The following MARCHF1 variants were observed in gnomAD, a reference collection of about 807,000 sequenced individuals.
MARCHF1 encodes E3 ubiquitin-protein ligase MARCHF1.
MARCHF1 carries 40 observed loss-of-function variants against 54.2 expected under a neutral mutation model. The ratio of observed to expected loss-of-function variants is 0.74; its 90% CI spans 0.57 to 0.96. The LOEUF is 0.96. Ranked by LOEUF, MARCHF1 falls within the 40% of genes least tolerant of loss-of-function variation. MARCHF1 has a pLI of 0.00. For synonymous variants in MARCHF1, 236 were observed against 236.3 expected (o/e 1.00, Z 0.01); for missense variants, 586 against 656.5 (o/e 0.89, Z 1.17).
At chr4:163,579,836 C>T (rs1423459668) in intron 8 of MARCHF1, among the ~76,000 whole-genome samples, 1 of 151,988 alleles carries the variant, frequency 6.6e-6, no homozygotes, top group African/African-American at 2.4e-5. Flanking sequence ...AATTGGGTTC[C>T]TATGATAGGG....
intron 4 of MARCHF1, among the ~76,000 whole-genome samples, chr4:163,831,265 A>T (rs1749016982): frequency 6.6e-6 from 1 of 152,086 alleles, no homozygotes; most frequent in Admixed American, 6.6e-5. Context: ...ACCCTCAAAG[A>T]ATTGCCAGGT....
At chr4:164,098,323 T>C (rs1017741505) in intron 2 of MARCHF1, among the ~76,000 whole-genome samples, 3 of 152,190 alleles carry the variant, frequency 2.0e-5, no homozygotes, top group African/African-American at 7.2e-5. Context: ...TAGCTTCTTC[T>C]AAATCTAATG....
chr4:164,055,793 T>C (rs1316428086), intron 2 of MARCHF1, among the ~76,000 whole-genome samples: 3 of 152,176 alleles, frequency 2.0e-5, no homozygotes, highest in African/African-American at 7.2e-5. Flanking sequence ...CCATCCTCTT[T>C]ATTTTATATC....
At chr4:164,156,730 TA>T (rs1336722284) in intron 1 of MARCHF1, among the ~76,000 whole-genome samples, 3 of 152,134 alleles carry the variant, frequency 2.0e-5, no homozygotes, top group Non-Finnish European at 4.4e-5. Context: ...TGCCCGCCCT[TA>T]ATTCTTGTCA....
intron 8 of MARCHF1, among the ~76,000 whole-genome samples, chr4:163,579,338 A>G (rs1038216015): frequency 3.3e-5 from 5 of 152,242 alleles, no homozygotes; most frequent in African/African-American, 1.2e-4. Context: ...TAAAAACAAA[A>G]CAAAGACAAA....
intron 1 of MARCHF1, among the ~76,000 whole-genome samples, chr4:164,319,792 G>T (rs927609115): frequency 2.2e-4 from 33 of 151,974 alleles, no homozygotes; most frequent in African/African-American, 7.7e-4. Flanking sequence ...ACATAGCTGG[G>T]GGCCTTGCTG....
At chr4:163,672,976 A>G (rs1159810106) in intron 5 of MARCHF1, among the ~76,000 whole-genome samples, 1 of 152,026 alleles carries the variant, frequency 6.6e-6, no homozygotes, top group Non-Finnish European at 1.5e-5. Flanking sequence ...CTGCCCCTCC[A>G]CTGCCCTCCT....
intron 1 of MARCHF1, chr4:164,188,679 G>T: frequency 8.9e-7 from 1 of 1,118,518 alleles, no homozygotes; most frequent in Non-Finnish European, 1.4e-6. Flanking sequence ...CTCATCGGCC[G>T]CACGTGGAAC....
At chr4:163,702,392 T>C (rs755629798) in intron 4 of MARCHF1, among the ~76,000 whole-genome samples, 2 of 152,198 alleles carry the variant, frequency 1.3e-5, no homozygotes, top group Non-Finnish European at 2.9e-5. Flanking sequence ...TTTTGACACA[T>C]TATTGTGTAG....
intron 3 of MARCHF1, among the ~76,000 whole-genome samples, chr4:163,981,702 G>C (rs1217935777): frequency 6.6e-6 from 1 of 152,100 alleles, no homozygotes; most frequent in Non-Finnish European, 1.5e-5. Context: ...TGCTCCCTTT[G>C]TGCTACAAAG....
At chr4:163,661,046 T>C (rs1328053795) in intron 5 of MARCHF1, among the ~76,000 whole-genome samples, 5 of 152,028 alleles carry the variant, frequency 3.3e-5, no homozygotes, top group Non-Finnish European at 5.9e-5. Context: ...ATTTATTTAA[T>C]TGGATGCTGT....
At chr4:164,197,399 G>C in intron 1 of MARCHF1, 4 of 1,613,402 alleles carry the variant, frequency 2.5e-6, no homozygotes, top group Non-Finnish European at 3.4e-6. Context: ...AACTGTTTCA[G>C]TGGCTCTATT....
intron 3 of MARCHF1, among the ~76,000 whole-genome samples, chr4:163,976,343 T>C (rs984899165): frequency 1.3e-5 from 2 of 152,162 alleles, no homozygotes; most frequent in Non-Finnish European, 2.9e-5. Context: ...ATAAAGGTCC[T>C]AGACTTGTGT....
chr4:164,074,733 G>A (rs1754941037), intron 2 of MARCHF1, among the ~76,000 whole-genome samples: 1 of 151,738 alleles, frequency 6.6e-6, no homozygotes, highest in Non-Finnish European at 1.5e-5. Flanking sequence ...AGTACAAATG[G>A]GACCATTATT....
intron 3 of MARCHF1, among the ~76,000 whole-genome samples, chr4:163,879,804 C>CGTGT (rs60539215): frequency 0.12 from 17,739 of 148,366 alleles, 1,105 homozygotes; most frequent in East Asian, 0.21. Flanking sequence ...GATTTAGAGG[C>CGTGT]GTGTGTGTGT....
chr4:164,258,391 T>TATAATAATAATAATAATAATAATA (rs201820317), intron 1 of MARCHF1, among the ~76,000 whole-genome samples: 134 of 145,962 alleles, frequency 9.2e-4, no homozygotes, highest in African/African-American at 3.0e-3. Flanking sequence ...GAACTTAAAG[T>TATAATAATAATAATAATAATAATA]ATAATAATAA....
intron 4 of MARCHF1, among the ~76,000 whole-genome samples, chr4:163,722,084 T>C (rs139913614): frequency 0.039 from 5,888 of 152,222 alleles, 174 homozygotes; most frequent in East Asian, 0.076. Context: ...TTTGAATGTG[T>C]TTGCTCTTGC....
intron 1 of MARCHF1, among the ~76,000 whole-genome samples, chr4:164,337,911 CT>C (rs1303331250): frequency 6.6e-5 from 10 of 152,198 alleles, no homozygotes; most frequent in Non-Finnish European, 7.3e-5. Flanking sequence ...AATTCTCCCC[CT>C]GTCTAAAGAA....
At position 164,350,853 on chromosome 4, in the gene MARCHF1, G is replaced by T. The variant is rs144187825; in HGVS notation, c.-323+33017C>A. ...TTTCTGCATTTCCATCTGAGGTACC[G>T]CATTCATCTCACTAGGGAGTGCCAG... On this transcript the variant is annotated intron_variant, in intron 1 of 9. Transcript: ENST00000514618. Among the ~76,000 whole-genome samples the T allele has an allele frequency of 2.5e-4, 13 of 51,240 alleles. No homozygotes were observed. In the East Asian group the frequency reaches 6.0e-3, roughly 24 times the overall value. 33.6% of individuals were successfully genotyped at this position (51,240 alleles called of 152,430 possible). A position where few individuals can be genotyped will look rare whatever the true frequency, so the allele number is the denominator to read the frequency against.
Sources: allele counts gnomAD v4.1 joint callset (sites outside exome capture counted in the v4.1 genomes callset), GRCh38; gene constraint gnomAD v4.1.1; transcripts MANE v1.5; gene names NCBI Gene and HGNC (gene_info 2026-07-23, HGNC 2026-07-21).